ME2: variants seen among roughly 807,000 people sequenced by gnomAD.
The protein encoded by ME2 is NAD-dependent malic enzyme, mitochondrial.
Under a neutral mutation model 73.7 loss-of-function variants are expected in ME2, and 60 were observed. That is an observed-to-expected ratio of 0.81 (90% CI 0.66 to 1.01). The LOEUF (loss-of-function observed/expected upper bound fraction) is 1.01. ME2 is among the 50% of genes least tolerant of loss of function. The pLI, the probability that ME2 is intolerant of heterozygous loss-of-function variation, is 0.00. For missense variants in ME2, 594 were observed against 705.5 expected, an observed-to-expected ratio of 0.84 and a Z score of 1.79; for synonymous variants, 199 against 236.9, an observed-to-expected ratio of 0.84 and a Z score of 1.47.
intron 13 of ME2, among the ~76,000 whole-genome samples, chr18:50,936,324 C>A (rs1013370584): frequency 6.6e-6 from 1 of 151,960 alleles, no homozygotes; most frequent in African/African-American, 2.4e-5. Flanking sequence ...AAACAAAAAA[C>A]CGGGGATTCA....
intron 1 of ME2, among the ~76,000 whole-genome samples, chr18:50,893,351 C>T (rs984954391): frequency 7.9e-5 from 12 of 152,138 alleles, no homozygotes; most frequent in Admixed American, 3.9e-4. Context: ...TACACTATTA[C>T]GGCTATGATA....
chr18:50,937,684 T>C (rs988896494), intron 13 of ME2, among the ~76,000 whole-genome samples: 6 of 152,074 alleles, frequency 3.9e-5, no homozygotes, highest in African/African-American at 1.4e-4. Flanking sequence ...CAGATTTTTA[T>C]TTTTTAAAAA....
intron 15 of ME2, among the ~76,000 whole-genome samples, chr18:50,941,682 G>GT (rs11388576): frequency 0.68 from 96,151 of 141,794 alleles, 32,642 homozygotes; most frequent in African/African-American, 0.79. Context: ...GGCTGTGATG[G>GT]TTTTTTTTTT....
rs915456423 is a variant in ME2, at chr18:50,895,869, C to T, written c.49C>T (p.Arg17Ter). The T allele has an allele frequency of 7.4e-6, 12 of 1,613,538 alleles. No individual in the cohort carries two copies. Among genetic ancestry groups the T allele is most frequent in the East Asian group, 6.7e-5 (3 of 44,864 alleles). The change falls in exon 2 of 16, where the codon CGA (arginine) becomes TGA (stop). Residue 17 changes from arginine to a stop codon, truncating the protein, a stop_gained. Coordinates refer to ENST00000321341, the MANE Select transcript of ME2 (RefSeq NM_002396.5). LOFTEE classifies it high-confidence loss of function. ...VVSTTCTLAC[R>*]HLHIKEKGKP... ...TTCCACCACTTGTACTTTGGCATGT[C>T]GACATTTGCACATAAAAGAAAAAGG... is the stretch of plus-strand genomic sequence containing the variant.
chr18:50,911,247 T>TTCCCTATAC (rs1917148241), intron 3 of ME2, among the ~76,000 whole-genome samples: 1 of 152,242 alleles, frequency 6.6e-6, no homozygotes, highest in South Asian at 2.1e-4. Context: ...GTTTGTTTAC[T>TTCCCTATAC]TCCCTATACT....
intron 2 of ME2, among the ~76,000 whole-genome samples, chr18:50,896,206 T>TG (rs1156990750): frequency 1.3e-5 from 2 of 152,222 alleles, no homozygotes; most frequent in Admixed American, 1.3e-4. Context: ...AGAATAGTGC[T>TG]TTGGCCAGGA....
intron 1 of ME2, among the ~76,000 whole-genome samples, chr18:50,883,569 A>C (rs1363049731): frequency 6.6e-6 from 1 of 152,206 alleles, no homozygotes; most frequent in Non-Finnish European, 1.5e-5. Flanking sequence ...TCCAGTATTC[A>C]AGAAACTCTC....
At chr18:50,913,094 A>T (rs1917197424) in intron 4 of ME2, 144 bp downstream of exon 4, 1 of 594,938 alleles carries the variant, frequency 1.7e-6, no homozygotes, top group Non-Finnish European at 2.7e-6. Context: ...ATTAAAAGAG[A>T]TTAACAAAAT....
At chr18:50,923,485 C>T (rs1377173389) in intron 10 of ME2, among the ~76,000 whole-genome samples, 1 of 152,078 alleles carries the variant, frequency 6.6e-6, no homozygotes, top group East Asian at 1.9e-4. Context: ...GGAGTGGTGG[C>T]TCATGCATGT....
Position 50,918,266 on chromosome 18 carries a change from G to T in ME2, c.734+53G>T, listed in dbSNP as rs1274073288. On this transcript the variant is annotated intron_variant, in intron 7 of 15. Coordinates refer to ENST00000321341, the MANE Select transcript of ME2 (RefSeq NM_002396.5). ...AAGCACCTTTAATGGGGTGGGTGGG[G>T]TAAGAACCAAAGTTTTGTTTTGTTT... 2.5e-6 allele frequency: 3 copies of T among 1,195,898 alleles called. No individual in the cohort carries two copies. In the East Asian group the frequency reaches 7.2e-5, roughly 29 times the overall value. The allele number at this position is 1,195,898 out of a possible 1,614,324, so 74.1% of individuals were successfully genotyped here. A position where few individuals can be genotyped will look rare whatever the true frequency, so the allele number is the denominator to read the frequency against.
intron 1 of ME2, among the ~76,000 whole-genome samples, chr18:50,892,551 G>T (rs994875800): frequency 9.9e-5 from 15 of 152,148 alleles, no homozygotes; most frequent in Non-Finnish European, 1.8e-4. Context: ...TTCTGTGTTG[G>T]TGTATTCCTA....
intron 13 of ME2, chr18:50,939,101 A>G (rs1321541134): frequency 1.3e-5 from 2 of 151,074 alleles, no homozygotes; most frequent in African/African-American, 4.9e-5. Context: ...AAAACAGAAA[A>G]TGCAAGATCA....
chr18:50,917,608 T>C, intron 6 of ME2, 100 bp downstream of exon 6: 2 of 810,762 alleles, frequency 2.5e-6, no homozygotes, highest in Non-Finnish European at 3.6e-6. Flanking sequence ...GGGAAAGTTT[T>C]ATGATTAGAT....
At chr18:50,930,359 G>A (rs1049052434) in intron 12 of ME2, among the ~76,000 whole-genome samples, 36 of 152,004 alleles carry the variant, frequency 2.4e-4, no homozygotes, top group East Asian at 7.7e-4. Flanking sequence ...TTGACTAGTC[G>A]TCACCTGTTA....
At chr18:50,897,670 G>T (rs185652096) in intron 2 of ME2, among the ~76,000 whole-genome samples, 133 of 152,144 alleles carry the variant, frequency 8.7e-4, no homozygotes, top group African/African-American at 3.1e-3. Flanking sequence ...AGACCAGCCT[G>T]ACCAACACGG....
chr18:50,944,589 C>A (rs1438882634), intron 15 of ME2, among the ~76,000 whole-genome samples: 2 of 152,184 alleles, frequency 1.3e-5, no homozygotes, highest in Non-Finnish European at 1.5e-5. Flanking sequence ...TGCCCGTAAT[C>A]TTTTTCTGTG....
At chr18:50,909,805 AG>A (rs952936825) in intron 3 of ME2, among the ~76,000 whole-genome samples, 5 of 152,162 alleles carry the variant, frequency 3.3e-5, no homozygotes, top group African/African-American at 1.2e-4. Flanking sequence ...CGTAGTTAGG[AG>A]GAATGAGCCC....
intron 15 of ME2, 68 bp from the exon 16 acceptor site, chr18:50,946,949 T>C (rs899964356): frequency 2.7e-6 from 3 of 1,129,938 alleles, no homozygotes; most frequent in African/African-American, 3.1e-5. Context: ...TCCTGTGTTA[T>C]AATAGTACGT....
intron 13 of ME2, 41 bp downstream of exon 13, chr18:50,932,401 T>C (rs890104070): frequency 3.4e-6 from 5 of 1,477,126 alleles, no homozygotes; most frequent in Non-Finnish European, 4.7e-6. Context: ...CAATAGTTAA[T>C]TATGTAAAAA....
Sources: allele counts gnomAD v4.1 joint callset (sites outside exome capture counted in the v4.1 genomes callset), GRCh38; gene constraint gnomAD v4.1.1; transcripts MANE v1.5; gene names NCBI Gene and HGNC (gene_info 2026-07-23, HGNC 2026-07-21).